AKT3: variants seen among roughly 807,000 people sequenced by gnomAD.
The protein encoded by AKT3 is AKT serine/threonine kinase 3, also known as RAC-gamma serine/threonine-protein kinase.
In AKT3, 15 loss-of-function variants were observed where a neutral mutation model predicts 65.3. That is an observed-to-expected ratio of 0.23 (90% CI 0.15 to 0.35). AKT3 has a LOEUF of 0.35. Among genes scored for constraint, AKT3 ranks in the 10% least tolerant of loss-of-function variants. The pLI, the probability that AKT3 is intolerant of heterozygous loss-of-function variation, is 1.00. For synonymous variants in AKT3, 206 were observed against 183.8 expected (o/e 1.12, Z -0.98); for missense variants, 243 against 576.5 (o/e 0.42, Z 5.92).
chr1:243,660,209 G>T (rs1682190283), intron 4 of AKT3, among the ~76,000 whole-genome samples: 1 of 151,954 alleles, frequency 6.6e-6, no homozygotes, highest in Non-Finnish European at 1.5e-5. Flanking sequence ...TTAGTCTTGG[G>T]AGAGTGTATG....
chr1:243,510,912 G>C (rs977718353), intron 13 of AKT3, among the ~76,000 whole-genome samples: 9 of 152,284 alleles, frequency 5.9e-5, no homozygotes, highest in African/African-American at 2.2e-4. Flanking sequence ...AAACTCACTG[G>C]TGTTACCCAG....
At chr1:243,625,968 T>C (rs1388454688) in intron 6 of AKT3, among the ~76,000 whole-genome samples, 1 of 152,206 alleles carries the variant, frequency 6.6e-6, no homozygotes, top group Non-Finnish European at 1.5e-5. Context: ...CTTCCCCTCC[T>C]TTAAATGCCA....
intron 8 of AKT3, among the ~76,000 whole-genome samples, chr1:243,584,224 A>T (rs1269940888): frequency 6.6e-6 from 1 of 152,206 alleles, no homozygotes; most frequent in Non-Finnish European, 1.5e-5. Flanking sequence ...GGAAATGGAT[A>T]AATTCCTGGA....
At chr1:243,554,269 G>A (rs985183715) in intron 10 of AKT3, among the ~76,000 whole-genome samples, 1 of 152,074 alleles carries the variant, frequency 6.6e-6, no homozygotes, top group Non-Finnish European at 1.5e-5. Context: ...ATTATGAAAA[G>A]ATTTTTAATT....
chr1:243,590,889 A>G (rs1676178479), intron 8 of AKT3, among the ~76,000 whole-genome samples: 1 of 152,224 alleles, frequency 6.6e-6, no homozygotes, highest in Non-Finnish European at 1.5e-5. Context: ...CTAAATGCAC[A>G]GATCTACAGT....
chr1:243,765,410 C>G (rs1689756926), intron 2 of AKT3, among the ~76,000 whole-genome samples: 1 of 152,076 alleles, frequency 6.6e-6, no homozygotes, highest in African/African-American at 2.4e-5. Flanking sequence ...ACCATGTAAA[C>G]CAGCTTCCAT....
At chr1:243,799,173 G>T (rs947216037) in intron 2 of AKT3, among the ~76,000 whole-genome samples, 1 of 152,148 alleles carries the variant, frequency 6.6e-6, no homozygotes. Context: ...ACACTCAATG[G>T]GGCTGTGGAA....
At chr1:243,573,931 A>C (rs1019302064) in intron 8 of AKT3, among the ~76,000 whole-genome samples, 7 of 152,300 alleles carry the variant, frequency 4.6e-5, no homozygotes, top group East Asian at 1.9e-4. Context: ...AGCAGGTTTC[A>C]GGCACTGTGA....
intron 2 of AKT3, among the ~76,000 whole-genome samples, chr1:243,789,660 T>C (rs1361079296): frequency 6.6e-6 from 1 of 152,212 alleles, no homozygotes; most frequent in Non-Finnish European, 1.5e-5. Flanking sequence ...TAATGGCATC[T>C]AGAATGGTGA....
intron 2 of AKT3, chr1:243,788,859 A>G (rs1303101931): frequency 6.6e-6 from 1 of 152,308 alleles, no homozygotes; most frequent in South Asian, 2.1e-4. Flanking sequence ...TGCCACATCA[A>G]TTGACTCTTC....
intron 8 of AKT3, among the ~76,000 whole-genome samples, chr1:243,596,838 T>G (rs1047943100): frequency 6.6e-6 from 1 of 152,172 alleles, no homozygotes; most frequent in Non-Finnish European, 1.5e-5. Flanking sequence ...GGTATAGCTG[T>G]GCAAAGGATA....
intron 4 of AKT3, among the ~76,000 whole-genome samples, chr1:243,660,894 A>G (rs1307941072): frequency 1.3e-5 from 2 of 152,238 alleles, no homozygotes; most frequent in Non-Finnish European, 2.9e-5. Context: ...TACAGAAATC[A>G]CAAGCATTCT....
chr1:243,777,351 G>A (rs1412560561), intron 2 of AKT3, among the ~76,000 whole-genome samples: 3 of 152,188 alleles, frequency 2.0e-5, no homozygotes, highest in South Asian at 2.1e-4. Flanking sequence ...ACCTCCTGCC[G>A]TGTGGCCTGG....
At chr1:243,811,419 G>A (rs150937457) in intron 2 of AKT3, among the ~76,000 whole-genome samples, 143 of 152,108 alleles carry the variant, frequency 9.4e-4, no homozygotes, top group Middle Eastern at 3.4e-3. Context: ...TCCCATTCAC[G>A]ATTGCTTCAA....
intron 3 of AKT3, among the ~76,000 whole-genome samples, chr1:243,669,467 T>C (rs1170690222): frequency 6.6e-6 from 1 of 152,182 alleles, no homozygotes. Context: ...TATGGTGATA[T>C]AAGGTAATTA....
chr1:243,537,572 T>G (rs1283966410), intron 12 of AKT3, among the ~76,000 whole-genome samples: 1 of 152,184 alleles, frequency 6.6e-6, no homozygotes, highest in East Asian at 1.9e-4. Flanking sequence ...CACTTAACAC[T>G]GTATTACTGC....
chr1:243,617,139 T>TCCACCCAC (rs796330668), intron 6 of AKT3, among the ~76,000 whole-genome samples: 2 of 148,740 alleles, frequency 1.3e-5, no homozygotes, highest in East Asian at 2.0e-4. Flanking sequence ...CATTCATCCA[T>TCCACCCAC]CCACCCACCC....
intron 10 of AKT3, among the ~76,000 whole-genome samples, chr1:243,558,573 A>G (rs1574605786): frequency 6.6e-6 from 1 of 152,108 alleles, no homozygotes; most frequent in Non-Finnish European, 1.5e-5. Context: ...AAATAAAATT[A>G]GATGCATTTT....
intron 2 of AKT3, among the ~76,000 whole-genome samples, chr1:243,825,248 G>A (rs931857175): frequency 2.0e-5 from 3 of 152,174 alleles, no homozygotes; most frequent in African/African-American, 7.2e-5. Flanking sequence ...ACTGTGGCCT[G>A]TCAGGGATGA....
Sources: allele counts gnomAD v4.1 joint callset (sites outside exome capture counted in the v4.1 genomes callset), GRCh38; gene constraint gnomAD v4.1.1; transcripts MANE v1.5; gene names NCBI Gene and HGNC (gene_info 2026-07-23, HGNC 2026-07-21).